Variants in ANKRD44 observed in about 807,000 individuals in gnomAD.
ANKRD44 encodes the protein serine/threonine-protein phosphatase 6 regulatory ankyrin repeat subunit B.
A neutral mutation model predicts 116.0 loss-of-function variants in ANKRD44; 35 were observed. That is an observed-to-expected ratio of 0.30 (90% CI 0.23 to 0.40). ANKRD44 has a LOEUF of 0.40. Ranked by LOEUF, ANKRD44 falls within the 10% of genes least tolerant of loss-of-function variation. ANKRD44 has a pLI of 1.00. For missense variants in ANKRD44, 1,014 were observed against 1,242.6 expected (o/e 0.82, Z 2.77); for synonymous variants, 435 against 461.8 (o/e 0.94, Z 0.74).
chr2:197,177,207 A>G (rs946077307), intron 2 of ANKRD44, among the ~76,000 whole-genome samples: 1 of 152,112 alleles, frequency 6.6e-6, no homozygotes, highest in Non-Finnish European at 1.5e-5. Flanking sequence ...ACGTTTTTTC[A>G]TTGTAAAAGA....
chr2:196,990,409 A>G (rs1164235135), intron 27 of ANKRD44: 2 of 1,107,084 alleles, frequency 1.8e-6, no homozygotes, highest in East Asian at 1.1e-4. Context: ...CAGGAATTAA[A>G]TACATCTTTT....
At chr2:197,136,481 A>T in intron 4 of ANKRD44, 111 bp downstream of exon 4, 1 of 971,730 alleles carries the variant, frequency 1.0e-6, no homozygotes. Flanking sequence ...TAACCCTCTT[A>T]CATTAGAGGT....
At chr2:197,108,567 G>A (rs564544004) in intron 9 of ANKRD44, among the ~76,000 whole-genome samples, 3 of 152,260 alleles carry the variant, frequency 2.0e-5, no homozygotes, top group South Asian at 2.1e-4. Flanking sequence ...AGCAGGGCAC[G>A]GTGGCTCACA....
At chr2:197,307,434 G>C (rs1156699898) in intron 1 of ANKRD44, among the ~76,000 whole-genome samples, 1 of 151,730 alleles carries the variant, frequency 6.6e-6, no homozygotes, top group African/African-American at 2.4e-5. Flanking sequence ...TAAAAATTAT[G>C]TGTGCCCTGT....
chr2:197,000,344 G>C (rs992674897), intron 23 of ANKRD44, 75 bp downstream of exon 23: 15 of 1,122,092 alleles, frequency 1.3e-5, no homozygotes, highest in Non-Finnish European at 1.3e-6. Flanking sequence ...AAACATAGAT[G>C]TTTGGCTACT....
At chr2:197,022,467 C>T (rs1406029993) in intron 17 of ANKRD44, among the ~76,000 whole-genome samples, 1 of 152,096 alleles carries the variant, frequency 6.6e-6, no homozygotes, top group Admixed American at 6.5e-5. Context: ...AGTAAAAGTC[C>T]CCATGAGATC....
intron 1 of ANKRD44, among the ~76,000 whole-genome samples, chr2:197,297,650 A>G (rs2083762962): frequency 6.6e-6 from 1 of 152,226 alleles, no homozygotes. Context: ...CCAGGTCTCC[A>G]GACATCAACT....
At position 197,295,780 on chromosome 2, in the gene ANKRD44, G is replaced by A. The variant is rs184196005; in HGVS notation, c.27+14798C>T. 4.6e-5 allele frequency among the ~76,000 whole-genome samples: 7 copies of A among 152,276 alleles called. No individual in the cohort carries two copies. In the East Asian group the frequency reaches 1.4e-3, roughly 29 times the overall value. ...GTTGAAAAGGTAAAAGCAAGGCTGGGCACGGTGGTTTGCTCTTTCCTATAA... is the reference window on the plus strand; with the variant it reads ...GTTGAAAAGGTAAAAGCAAGGCTGGACACGGTGGTTTGCTCTTTCCTATAA... On this transcript the variant is annotated intron_variant, in intron 1 of 27. Coordinates refer to ENST00000282272, the MANE Select transcript of ANKRD44 (RefSeq NM_001195144.2).
At chr2:197,208,953 G>A (rs2081268553) in intron 1 of ANKRD44, among the ~76,000 whole-genome samples, 1 of 152,166 alleles carries the variant, frequency 6.6e-6, no homozygotes, top group Non-Finnish European at 1.5e-5. Context: ...TCAGAACATA[G>A]TGTGATTCAT....
At chr2:197,103,875 C>T (rs956161183) in intron 9 of ANKRD44, among the ~76,000 whole-genome samples, 3 of 152,114 alleles carry the variant, frequency 2.0e-5, no homozygotes, top group South Asian at 2.1e-4. Flanking sequence ...GTTGAGTTCC[C>T]GGTGTAGAAA....
At chr2:197,231,779 C>A (rs541285322) in intron 1 of ANKRD44, among the ~76,000 whole-genome samples, 2 of 152,056 alleles carry the variant, frequency 1.3e-5, no homozygotes, top group Non-Finnish European at 2.9e-5. Context: ...GAATGTAGGG[C>A]CTTGTTCATG....
intron 1 of ANKRD44, among the ~76,000 whole-genome samples, chr2:197,300,251 A>G (rs898257161): frequency 6.6e-6 from 1 of 152,184 alleles, no homozygotes; most frequent in African/African-American, 2.4e-5. Context: ...TGCAAATTGG[A>G]TATTTCCTTA....
chr2:197,123,089 T>C (rs1227423436), intron 6 of ANKRD44, among the ~76,000 whole-genome samples: 2 of 152,226 alleles, frequency 1.3e-5, no homozygotes, highest in African/African-American at 4.8e-5. Context: ...TTTGCCAAGA[T>C]ATTAGTAGAG....
intron 6 of ANKRD44, among the ~76,000 whole-genome samples, chr2:197,124,830 G>A (rs2697267): frequency 0.92 from 139,581 of 152,258 alleles, 64,417 homozygotes; most frequent in East Asian, 0.98. Context: ...AAGGAAAAAC[G>A]TAGAAATGTG....
intron 1 of ANKRD44, among the ~76,000 whole-genome samples, chr2:197,247,773 G>C (rs2125819593): frequency 6.6e-6 from 1 of 152,320 alleles, no homozygotes; most frequent in Middle Eastern, 3.4e-3. Flanking sequence ...CAGCTGTGAA[G>C]AGTGGTCACT....
At chr2:196,980,824 G>A (rs1478504406) in intron 21 of ANKRD44, among the ~76,000 whole-genome samples, 2 of 152,162 alleles carry the variant, frequency 1.3e-5, no homozygotes, top group Middle Eastern at 3.2e-3. Context: ...CCTAATCCTG[G>A]AACCGAATTT....
chr2:197,158,619 G>A (rs936771074), intron 2 of ANKRD44, among the ~76,000 whole-genome samples: 1 of 152,140 alleles, frequency 6.6e-6, no homozygotes, highest in Non-Finnish European at 1.5e-5. Context: ...TTTGTCATCA[G>A]ATAAATGAAC....
At chr2:197,273,975 AAAAAAATATATATATATAT>A (rs2082981116) in intron 1 of ANKRD44, among the ~76,000 whole-genome samples, 1 of 54,460 alleles carries the variant, frequency 1.8e-5, no homozygotes, top group Admixed American at 2.6e-4. Context: ...AAAAAAAAAA[AAAAAAATATATATATATAT>A]ATATATATAT....
chr2:197,069,712 T>C (rs999485141), intron 16 of ANKRD44, among the ~76,000 whole-genome samples: 18 of 152,138 alleles, frequency 1.2e-4, no homozygotes, highest in Admixed American at 1.2e-3. Context: ...ACATTGTTCT[T>C]TTTCAGAATT....
Sources: gnomAD v4.1 joint callset for allele counts (sites outside exome capture counted in the v4.1 genomes callset) on GRCh38, gnomAD v4.1.1 for gene constraint, MANE v1.5 for transcripts, NCBI Gene and HGNC (gene_info 2026-07-23, HGNC 2026-07-21) for gene names.